Variants in SLC10A7 observed in about 807,000 individuals in gnomAD.
The protein encoded by SLC10A7 is sodium/bile acid cotransporter 7.
A neutral mutation model predicts 43.2 loss-of-function variants in SLC10A7; 29 were observed. The ratio of observed to expected loss-of-function variants is 0.67; its 90% CI spans 0.50 to 0.92. SLC10A7 has a LOEUF of 0.92. SLC10A7 is among the 40% of genes least tolerant of loss of function. The pLI is 0.00. For missense variants in SLC10A7, 295 were observed against 403.2 expected, an observed-to-expected ratio of 0.73 and a Z score of 2.30; for synonymous variants, 152 against 144.8, an observed-to-expected ratio of 1.05 and a Z score of -0.35.
At chr4:146,260,738 G>A (rs1317873143) in intron 10 of SLC10A7, among the ~76,000 whole-genome samples, 2 of 152,210 alleles carry the variant, frequency 1.3e-5, no homozygotes, top group Non-Finnish European at 2.9e-5. Context: ...GGTAAGGTCA[G>A]TTCCAGATGC....
rs536727188 is a variant in SLC10A7, at chr4:146,434,434, A to G, written c.435+8349T>C. ...TGGTATCTGATAAATTGCACTTTCAAAACATCTAAATTGGTAGATACAAAC... is the reference window on the plus strand; with the variant it reads ...TGGTATCTGATAAATTGCACTTTCAGAACATCTAAATTGGTAGATACAAAC... On this transcript the variant is annotated intron_variant, in intron 5 of 11. Coordinates refer to ENST00000335472, the MANE Select transcript of SLC10A7 (RefSeq NM_001029998.6). 2.6e-5 allele frequency among the ~76,000 whole-genome samples: 4 copies of G among 152,390 alleles called. No individual in the cohort carries two copies. In the South Asian group the frequency reaches 8.3e-4, roughly 32 times the overall value.
chr4:146,398,044 T>C (rs2149812923), intron 5 of SLC10A7, among the ~76,000 whole-genome samples: 1 of 152,322 alleles, frequency 6.6e-6, no homozygotes, highest in South Asian at 2.1e-4. Context: ...TGACGTAGCA[T>C]TGGAATTTTC....
At position 146,302,625 on chromosome 4, in the gene SLC10A7, G is replaced by T. The variant is rs184769270; in HGVS notation, c.555+3301C>A. Reference sequence around the variant, plus strand: ...AAATGAGAAACAAGTTGAGGTGGGAGGGTAGGCAGAAAGACACTCTAAACA... The same window carrying T: ...AAATGAGAAACAAGTTGAGGTGGGATGGTAGGCAGAAAGACACTCTAAACA... On this transcript the variant is annotated intron_variant, in intron 7 of 11. Transcript: ENST00000335472. 3.9e-5 allele frequency among the ~76,000 whole-genome samples: 6 copies of T among 152,250 alleles called. No individual in the cohort carries two copies. In the East Asian group the frequency reaches 9.7e-4, roughly 25 times the overall value.
chr4:146,446,390 A>G (rs1003752550), intron 4 of SLC10A7, among the ~76,000 whole-genome samples: 2 of 152,016 alleles, frequency 1.3e-5, no homozygotes, highest in African/African-American at 4.8e-5. Flanking sequence ...CAGCCTGGCC[A>G]ACATGGTGAA....
At chr4:146,465,060 G>C (rs1017206856) in intron 4 of SLC10A7, among the ~76,000 whole-genome samples, 1 of 152,020 alleles carries the variant, frequency 6.6e-6, no homozygotes, top group Admixed American at 6.6e-5. Flanking sequence ...TTTCCACTAA[G>C]AACATTTTTT....
chr4:146,469,347 T>C (rs1733353919), intron 4 of SLC10A7, among the ~76,000 whole-genome samples: 1 of 152,202 alleles, frequency 6.6e-6, no homozygotes, highest in African/African-American at 2.4e-5. Flanking sequence ...CAGTCAGCAG[T>C]TGCATGAAGA....
intron 4 of SLC10A7, among the ~76,000 whole-genome samples, chr4:146,484,034 G>C (rs773065107): frequency 1.3e-5 from 2 of 152,126 alleles, no homozygotes; most frequent in Non-Finnish European, 2.9e-5. Context: ...TAACAATAAT[G>C]AACTTCAATA....
intron 6 of SLC10A7, 139 bp downstream of exon 6, chr4:146,325,822 G>T: frequency 1.3e-6 from 1 of 751,364 alleles, no homozygotes; most frequent in Non-Finnish European, 2.2e-6. Context: ...ATATTATTAT[G>T]CGGTACAGCT....
At chr4:146,327,751 G>A (rs528595178) in intron 5 of SLC10A7, among the ~76,000 whole-genome samples, 3 of 152,168 alleles carry the variant, frequency 2.0e-5, no homozygotes, top group Non-Finnish European at 4.4e-5. Context: ...TGCGACCGGC[G>A]CTGCCACAAC....
chr4:146,338,879 TAA>T, intron 5 of SLC10A7, among the ~76,000 whole-genome samples: 1 of 152,114 alleles, frequency 6.6e-6, no homozygotes, highest in South Asian at 2.1e-4. Flanking sequence ...GGAAGGTTTT[TAA>T]AAGAGATTAA....
chr4:146,403,179 G>T (rs1378527882), intron 5 of SLC10A7, among the ~76,000 whole-genome samples: 9 of 152,180 alleles, frequency 5.9e-5, no homozygotes, highest in African/African-American at 2.2e-4. Flanking sequence ...TACAGGTGCA[G>T]ATTTAGTTAA....
At chr4:146,445,647 G>A (rs1245566556) in intron 4 of SLC10A7, among the ~76,000 whole-genome samples, 1 of 152,276 alleles carries the variant, frequency 6.6e-6, no homozygotes, top group Middle Eastern at 3.4e-3. Context: ...CCGAGTTCTT[G>A]TCAGGCGTCC....
At chr4:146,371,431 G>C (rs1232049622) in intron 5 of SLC10A7, among the ~76,000 whole-genome samples, 2 of 152,160 alleles carry the variant, frequency 1.3e-5, no homozygotes, top group Non-Finnish European at 2.9e-5. Context: ...TGAGAGAGGG[G>C]GCCAAATAAA....
intron 5 of SLC10A7, among the ~76,000 whole-genome samples, chr4:146,349,848 G>A (rs1033040848): frequency 2.0e-5 from 3 of 152,114 alleles, no homozygotes; most frequent in Admixed American, 2.0e-4. Context: ...CAGGGATGAA[G>A]GAAGGGAGGC....
chr4:146,465,463 A>T (rs900145696), intron 4 of SLC10A7, among the ~76,000 whole-genome samples: 7 of 151,998 alleles, frequency 4.6e-5, no homozygotes, highest in Non-Finnish European at 7.4e-5. Flanking sequence ...TGCACACTTT[A>T]TTCTCTCTAT....
intron 4 of SLC10A7, among the ~76,000 whole-genome samples, chr4:146,498,971 T>C (rs563216714): frequency 1.3e-5 from 2 of 152,296 alleles, no homozygotes; most frequent in African/African-American, 4.8e-5. Flanking sequence ...CTACGTTCTA[T>C]AACAACTTTG....
At chr4:146,314,386 G>A (rs1732183950) in intron 6 of SLC10A7, among the ~76,000 whole-genome samples, 1 of 152,110 alleles carries the variant, frequency 6.6e-6, no homozygotes, top group Admixed American at 6.6e-5. Flanking sequence ...ACAGAGCCTG[G>A]TATGTATATA....
intron 4 of SLC10A7, among the ~76,000 whole-genome samples, chr4:146,492,360 T>G (rs1314966621): frequency 6.6e-6 from 1 of 152,108 alleles, no homozygotes; most frequent in African/African-American, 2.4e-5. Flanking sequence ...TCCATGTTTC[T>G]TTGTTTCTTT....
At chr4:146,269,595 A>C (rs774557444) in intron 10 of SLC10A7, among the ~76,000 whole-genome samples, 1 of 152,232 alleles carries the variant, frequency 6.6e-6, no homozygotes, top group Admixed American at 6.5e-5. Flanking sequence ...GGTCAAAAGA[A>C]TATATTTAAC....
Sources: allele counts gnomAD v4.1 joint callset (sites outside exome capture counted in the v4.1 genomes callset), GRCh38; gene constraint gnomAD v4.1.1; transcripts MANE v1.5; gene names NCBI Gene and HGNC (gene_info 2026-07-23, HGNC 2026-07-21).